DENND5B: variants seen among roughly 807,000 people sequenced by gnomAD.
The protein encoded by DENND5B is DENN domain containing 5B, also known as DENN domain-containing protein 5B.
DENND5B carries 34 observed loss-of-function variants against 140.6 expected under a neutral mutation model. That is an observed-to-expected ratio of 0.24 (90% CI 0.18 to 0.32). The LOEUF (loss-of-function observed/expected upper bound fraction) is 0.32, where lower values mean the gene tolerates loss of function less well. Among genes scored for constraint, DENND5B ranks in the 10% least tolerant of loss-of-function variants. The pLI is 1.00. For missense variants in DENND5B, 1,142 were observed against 1,560.2 expected (o/e 0.73, Z 4.52); for synonymous variants, 551 against 562.1 (o/e 0.98, Z 0.28).
intron 1 of DENND5B, among the ~76,000 whole-genome samples, chr12:31,514,105 C>CA (rs1255185633): frequency 6.7e-6 from 1 of 149,892 alleles, no homozygotes; most frequent in East Asian, 1.9e-4. Context: ...CTCAGCCTCA[C>CA]AAAGTGCTGT....
chr12:31,434,143 A>G (rs1235553113), intron 7 of DENND5B, among the ~76,000 whole-genome samples: 1 of 152,224 alleles, frequency 6.6e-6, no homozygotes, highest in African/African-American at 2.4e-5. Context: ...GTTTTAGAAA[A>G]TATTTATAAT....
chr12:31,566,338 C>CTGTGTGTGCG (rs1949629541), intron 1 of DENND5B, among the ~76,000 whole-genome samples: 1 of 148,496 alleles, frequency 6.7e-6, no homozygotes, highest in South Asian at 2.2e-4. Context: ...CTCTTAAAAA[C>CTGTGTGTGCG]TGTGTGTGTG....
intron 15 of DENND5B, 69 bp from the exon 16 acceptor site, chr12:31,399,841 C>T (rs755088483): frequency 1.5e-5 from 19 of 1,234,518 alleles, no homozygotes; most frequent in Non-Finnish European, 2.1e-5. Context: ...TTTACAGGTA[C>T]TTTGGTTCCG....
Position 31,398,343 on chromosome 12 carries a change from G to A in DENND5B, c.3088C>T (p.Leu1030=). Residue 1030 remains leucine, a synonymous_variant, in exon 17 of 21, where the codon CTG becomes TTG. Coordinates refer to ENST00000389082, the MANE Select transcript of DENND5B (RefSeq NM_144973.4). The part of the protein sequence containing the change: ...HTYRFPCGRW[L]GKGIDDGSLE... Reference sequence around the variant, plus strand: ...CTCCCATCATCAATGCCTTTCCCCAGCCACCGCCCACATGGGAATCTGGTA... The same window carrying A: ...CTCCCATCATCAATGCCTTTCCCCAACCACCGCCCACATGGGAATCTGGTA... 1 of 1,546,942 alleles carries A rather than the reference G, an allele frequency of 6.5e-7. No homozygotes were observed. The highest frequency in any genetic ancestry group is 1.2e-5 in the South Asian group (1 of 83,132).
At chr12:31,535,045 G>A (rs1948433684) in intron 1 of DENND5B, 1 of 184,826 alleles carries the variant, frequency 5.4e-6, no homozygotes, top group Non-Finnish European at 9.1e-6. Flanking sequence ...CTGCACCCAA[G>A]CCTGGGTGAC....
intron 7 of DENND5B, among the ~76,000 whole-genome samples, chr12:31,442,290 A>T (rs1944070210): frequency 6.6e-6 from 1 of 152,198 alleles, no homozygotes; most frequent in Non-Finnish European, 1.5e-5. Context: ...AAGGCAAGGA[A>T]GGATCATTCC....
chr12:31,554,041 T>TAA (rs1949177912), intron 1 of DENND5B, among the ~76,000 whole-genome samples: 2 of 152,216 alleles, frequency 1.3e-5, no homozygotes, highest in Non-Finnish European at 2.9e-5. Flanking sequence ...TGTCTTTTAA[T>TAA]TGGAGCATTT....
At chr12:31,416,452 A>G (rs933432509) in intron 11 of DENND5B, among the ~76,000 whole-genome samples, 11 of 151,592 alleles carry the variant, frequency 7.3e-5, no homozygotes, top group Non-Finnish European at 1.6e-4. Flanking sequence ...TTTAGTAGAG[A>G]CGGGGTTTCA....
In DENND5B at chr12:31,573,077, T is replaced by A. The variant is rs556104155; in HGVS notation, c.127+17629A>T. Among the ~76,000 whole-genome samples, 16 of 152,280 alleles carry A rather than the reference T, an allele frequency of 1.1e-4. 2 individuals carry two copies. In the South Asian group the frequency reaches 3.3e-3, roughly 32 times the overall value. On this transcript the variant is annotated intron_variant, in intron 1 of 20. Coordinates refer to ENST00000389082, the MANE Select transcript of DENND5B (RefSeq NM_144973.4). ...CTGGAGAAAAGCTCAAAGGCCTATC[T>A]ATAATCTCATCACAAAGTGACAGGG...
chr12:31,518,110 G>A (rs1947739151), intron 1 of DENND5B, among the ~76,000 whole-genome samples: 1 of 152,172 alleles, frequency 6.6e-6, no homozygotes, highest in Non-Finnish European at 1.5e-5. Flanking sequence ...AGCTCTGGAA[G>A]TCAGAAACCT....
At chr12:31,562,384 C>T (rs965985708) in intron 1 of DENND5B, among the ~76,000 whole-genome samples, 6 of 152,128 alleles carry the variant, frequency 3.9e-5, no homozygotes, top group South Asian at 2.1e-4. Flanking sequence ...CCGAGGCAGG[C>T]GGATCACCTG....
At chr12:31,511,815 T>A (rs1271128) in intron 1 of DENND5B, among the ~76,000 whole-genome samples, 119,076 of 151,908 alleles carry the variant, frequency 0.78, 47,140 homozygotes, top group African/African-American at 0.88. Flanking sequence ...AATTTTTAAG[T>A]CACTTATTTA....
At chr12:31,426,177 A>G in intron 9 of DENND5B, 116 bp downstream of exon 9, 1 of 1,281,376 alleles carries the variant, frequency 7.8e-7, no homozygotes, top group South Asian at 1.7e-5. Flanking sequence ...TGCCACAGTA[A>G]AAGTTTTCTT....
chr12:31,437,367 C>T (rs1035913750), intron 7 of DENND5B, among the ~76,000 whole-genome samples: 37 of 152,096 alleles, frequency 2.4e-4, no homozygotes, highest in Admixed American at 8.5e-4. Flanking sequence ...ATCTCCTGAC[C>T]TCGTGATCCT....
intron 14 of DENND5B, 71 bp from the exon 15 acceptor site, chr12:31,402,714 G>C: frequency 6.8e-7 from 1 of 1,481,404 alleles, no homozygotes; most frequent in Non-Finnish European, 9.0e-7. Context: ...CATATATTAA[G>C]AACTCTTGTT....
rs145757283 is a variant in DENND5B, at chr12:31,426,383, C to T, written c.2148G>A (p.Arg716=). ...QEARSLGKNL[R]QPKLSDLSPA... ...GAGAGAGGTCTGACAGTTTGGGTTG[C>T]CTCAGGTTTTTTCCTAAACTTCGTG... is the stretch of plus-strand genomic sequence containing the variant. Residue 716 remains arginine (R), a synonymous_variant, in exon 9 of 21, where the codon AGG becomes AGA. Coordinates refer to ENST00000389082, the MANE Select transcript of DENND5B (RefSeq NM_144973.4). The T allele has an allele frequency of 8.5e-4, 1,371 of 1,612,370 alleles. 7 individuals are homozygous for T. The African/African-American group carries it at 0.015, about 18-fold the overall frequency.
intron 1 of DENND5B, among the ~76,000 whole-genome samples, chr12:31,535,849 T>C (rs949758956): frequency 1.3e-5 from 2 of 152,150 alleles, no homozygotes; most frequent in East Asian, 3.9e-4. Context: ...ATGTGACTGA[T>C]ATGGTTTGAA....
chr12:31,386,805 T>G lies in DENND5B; in HGVS notation c.*798A>C, dbSNP rs916153081. The G allele has an allele frequency of 6.6e-6, 1 of 152,328 alleles. No individual in the cohort carries two copies. The highest frequency in any genetic ancestry group is 2.1e-4 in the South Asian group (1 of 4,826). 9.4% of individuals were successfully genotyped at this position (152,328 alleles called of 1,614,324 possible). The stretch of plus-strand genomic sequence containing the variant: ...TATGAATCTAACACTGAAATTCACA[T>G]CTTCCCAAAGTACCTCAAATAACAA... On this transcript the variant is annotated 3_prime_UTR_variant, in exon 21 of 21. Transcript: ENST00000389082.
At chr12:31,570,073 T>C (rs1268444405) in intron 1 of DENND5B, among the ~76,000 whole-genome samples, 2 of 150,962 alleles carry the variant, frequency 1.3e-5, no homozygotes, top group South Asian at 2.1e-4. Context: ...CGGGTGCCTG[T>C]AATCCCAGCT....
Sources: allele counts gnomAD v4.1 joint callset (sites outside exome capture counted in the v4.1 genomes callset), GRCh38; gene constraint gnomAD v4.1.1; transcripts MANE v1.5; gene names NCBI Gene and HGNC (gene_info 2026-07-23, HGNC 2026-07-21).